The following RPN2 variants were observed in gnomAD, a reference collection of about 807,000 sequenced individuals.
RPN2 encodes the protein dolichyl-diphosphooligosaccharide--protein glycosyltransferase subunit 2.
A neutral mutation model predicts 71.4 loss-of-function variants in RPN2; 29 were observed. The observed-to-expected ratio is 0.41, with a 90% CI of 0.30 to 0.55. RPN2 has a LOEUF of 0.55. Among genes scored for constraint, RPN2 ranks in the 20% least tolerant of loss-of-function variants. The probability of loss-of-function intolerance (pLI) is 0.35; values close to 1 mark genes in which losing one functional copy is unlikely to be tolerated. For missense variants in RPN2, 726 were observed against 774.1 expected (o/e 0.94, Z 0.74); for synonymous variants, 308 against 305.0 (o/e 1.01, Z -0.10).
At chr20:37,197,249 G>A (rs1232105442) in intron 2 of RPN2, among the ~76,000 whole-genome samples, 1 of 152,168 alleles carries the variant, frequency 6.6e-6, no homozygotes, top group Non-Finnish European at 1.5e-5. Context: ...GAGAAAAACA[G>A]GGAACCACTG....
At chr20:37,193,804 T>C (rs1204128975) in intron 2 of RPN2, among the ~76,000 whole-genome samples, 1 of 152,168 alleles carries the variant, frequency 6.6e-6, no homozygotes. Context: ...TTGAGTCATG[T>C]AAGTGGCTGT....
intron 1 of RPN2, among the ~76,000 whole-genome samples, chr20:37,180,130 A>G (rs1387656648): frequency 6.6e-6 from 1 of 152,090 alleles, no homozygotes; most frequent in Non-Finnish European, 1.5e-5. Flanking sequence ...GGAAGCATGT[A>G]CTCTTGTTAC....
At chr20:37,230,105 C>A in intron 13 of RPN2, 46 bp downstream of exon 13, 1 of 1,401,030 alleles carries the variant, frequency 7.1e-7, no homozygotes, top group Non-Finnish European at 1.0e-6. Flanking sequence ...GAAGAGAGGG[C>A]AACAAAGCCC....
At chr20:37,211,576 G>A (rs2067668379) in intron 8 of RPN2, among the ~76,000 whole-genome samples, 1 of 150,942 alleles carries the variant, frequency 6.6e-6, no homozygotes, top group Non-Finnish European at 1.5e-5. Flanking sequence ...AGGCAGCGGA[G>A]GTTGGCAGTG....
intron 1 of RPN2, among the ~76,000 whole-genome samples, chr20:37,183,447 A>C (rs2066929174): frequency 6.6e-6 from 1 of 151,988 alleles, no homozygotes; most frequent in Admixed American, 6.6e-5. Flanking sequence ...CAAATTCCTG[A>C]CCTCAGGTGA....
At chr20:37,214,753 T>C (rs904711983) in intron 9 of RPN2, among the ~76,000 whole-genome samples, 2 of 152,188 alleles carry the variant, frequency 1.3e-5, no homozygotes, top group Non-Finnish European at 2.9e-5. Flanking sequence ...GATGTCGATA[T>C]GTCTTATTAC....
At chr20:37,207,541 GC>G in intron 7 of RPN2, 92 bp downstream of exon 7, 1 of 1,210,184 alleles carries the variant, frequency 8.3e-7, no homozygotes, top group Non-Finnish European at 1.2e-6. Context: ...GCCAATTACA[GC>G]CCCTACAAGG....
rs1217412557 is a variant in RPN2 at position 37,210,310 on chromosome 20, A to C, written c.986+145A>C. 2.7e-6 allele frequency: 4 copies of C among 1,469,656 alleles called. No homozygotes were observed. In the Admixed American group the frequency reaches 7.8e-5, roughly 29 times the overall value. The allele number at this position is 1,469,656 out of a possible 1,614,324, so 91.0% of individuals were successfully genotyped here. On this transcript the variant is annotated intron_variant, in intron 8 of 16. Coordinates refer to ENST00000237530, the MANE Select transcript of RPN2 (RefSeq NM_002951.5). Reference sequence around the variant, plus strand: ...GCCTACAGTCGAATGTAAGAAAATGATTTTTAAAATGAAGATTATTTGGTT... The same window carrying C: ...GCCTACAGTCGAATGTAAGAAAATGCTTTTTAAAATGAAGATTATTTGGTT...
chr20:37,202,276 A>G (rs567708094), intron 4 of RPN2, among the ~76,000 whole-genome samples: 2 of 152,232 alleles, frequency 1.3e-5, no homozygotes, highest in Non-Finnish European at 2.9e-5. Flanking sequence ...AGTGTATGAT[A>G]ACAGCAAGCA....
intron 4 of RPN2, among the ~76,000 whole-genome samples, chr20:37,203,538 C>T (rs192840214): frequency 1.2e-3 from 189 of 152,136 alleles, no homozygotes; most frequent in African/African-American, 4.4e-3. Context: ...GGTGGGGTTT[C>T]ACCATCTTAC....
At chr20:37,209,279 T>A (rs2067597074) in intron 7 of RPN2, among the ~76,000 whole-genome samples, 1 of 152,190 alleles carries the variant, frequency 6.6e-6, no homozygotes, top group African/African-American at 2.4e-5. Flanking sequence ...TTTCTTTAAT[T>A]TTCCCATTGC....
chr20:37,200,349 T>A, intron 4 of RPN2: 1 of 348,468 alleles, frequency 2.9e-6, no homozygotes, highest in Admixed American at 4.0e-5. Flanking sequence ...TCCAGGCCGG[T>A]TGTAATTTTT....
At chr20:37,179,932 A>T (rs147056280) in intron 1 of RPN2, among the ~76,000 whole-genome samples, 1 of 152,170 alleles carries the variant, frequency 6.6e-6, no homozygotes, top group Non-Finnish European at 1.5e-5. Context: ...TCAGTTTCTC[A>T]TCTGTAAAAT....
At position 37,183,973 on chromosome 20, in the gene RPN2, C is replaced by G. The variant is rs559787222; in HGVS notation, c.14-207C>G. Among the ~76,000 whole-genome samples, 7 of 152,310 alleles carry G rather than the reference C, an allele frequency of 4.6e-5. No individual in the cohort carries two copies. In the South Asian group the frequency reaches 1.0e-3, roughly 23 times the overall value. ...TAGGATAAGGCCTGTGCTTTAGATG[C>G]TTGGAGGCTGCTGGGAGGACTGTCC... On this transcript the variant is annotated intron_variant, in intron 1 of 16. Coordinates refer to ENST00000237530, the MANE Select transcript of RPN2 (RefSeq NM_002951.5).
intron 16 of RPN2, chr20:37,238,757 CCT>C: frequency 3.2e-6 from 2 of 621,694 alleles, no homozygotes; most frequent in Admixed American, 1.8e-5. Flanking sequence ...TATAGACAAG[CCT>C]CTCTCTCTGT....
At chr20:37,230,392 A>C (rs188059880) in intron 13 of RPN2, among the ~76,000 whole-genome samples, 1 of 152,300 alleles carries the variant, frequency 6.6e-6, no homozygotes, top group Admixed American at 6.5e-5. Flanking sequence ...GCTCCTGTGT[A>C]AATCAGGGCT....
intron 8 of RPN2, among the ~76,000 whole-genome samples, chr20:37,212,541 C>T (rs115857922): frequency 0.017 from 2,530 of 150,712 alleles, 70 homozygotes; most frequent in African/African-American, 0.057. Context: ...AATGCAGTGG[C>T]GTGATCTTGG....
At chr20:37,179,479 A>G (rs976592202) in intron 1 of RPN2, 110 bp downstream of exon 1, 3 of 1,383,846 alleles carry the variant, frequency 2.2e-6, no homozygotes, top group Admixed American at 2.9e-5. Context: ...GGACAGGGGC[A>G]TGGGCACAAG....
At chr20:37,198,287 C>A in intron 2 of RPN2, 110 bp from the exon 3 acceptor site, 1 of 1,585,256 alleles carries the variant, frequency 6.3e-7, no homozygotes, top group Non-Finnish European at 8.6e-7. Context: ...TCATGTAGCT[C>A]ATTCCTTAAG....
Sources: gnomAD v4.1 joint callset for allele counts (sites outside exome capture counted in the v4.1 genomes callset) on GRCh38, gnomAD v4.1.1 for gene constraint, MANE v1.5 for transcripts, NCBI Gene and HGNC (gene_info 2026-07-23, HGNC 2026-07-21) for gene names.